Variants in CDK13 observed in about 807,000 individuals in gnomAD.
The protein encoded by CDK13 is cyclin-dependent kinase 13.
Under a neutral mutation model 137.6 loss-of-function variants are expected in CDK13, and 40 were observed. That is an observed-to-expected ratio of 0.29 (90% CI 0.23 to 0.38). CDK13 has a LOEUF of 0.38. Among genes scored for constraint, CDK13 ranks in the 10% least tolerant of loss-of-function variants. The pLI, the probability that CDK13 is intolerant of heterozygous loss-of-function variation, is 1.00. For synonymous variants in CDK13, 869 were observed against 760.1 expected (o/e 1.14, Z -2.36); for missense variants, 1,704 against 1,951.8 (o/e 0.87, Z 2.39).
chr7:40,021,438 G>A (rs1044856589), intron 5 of CDK13, among the ~76,000 whole-genome samples: 2 of 152,012 alleles, frequency 1.3e-5, no homozygotes, highest in African/African-American at 4.8e-5. Flanking sequence ...GTAGGTTGCG[G>A]TGAGCTGAGA....
At chr7:40,022,458 T>C (rs1227881598) in intron 5 of CDK13, among the ~76,000 whole-genome samples, 2 of 152,178 alleles carry the variant, frequency 1.3e-5, no homozygotes, top group Non-Finnish European at 2.9e-5. Context: ...GTCATGGCTT[T>C]GGGGTAAATA....
chr7:40,032,700 T>G (rs1398596239), intron 5 of CDK13, among the ~76,000 whole-genome samples: 3 of 152,228 alleles, frequency 2.0e-5, no homozygotes, highest in Admixed American at 2.0e-4. Context: ...TGACTGTTTT[T>G]TTAATGGATG....
At chr7:40,072,569 A>C (rs1786446559) in intron 9 of CDK13, 1 of 152,204 alleles carries the variant, frequency 6.6e-6, no homozygotes, top group Admixed American at 6.5e-5. Flanking sequence ...CTGGTTTTGT[A>C]CCATTAGTGC....
intron 5 of CDK13, among the ~76,000 whole-genome samples, chr7:40,034,054 A>G (rs1255049766): frequency 2.0e-5 from 3 of 152,206 alleles, no homozygotes; most frequent in Non-Finnish European, 2.9e-5. Context: ...ATATTTCATC[A>G]TAACTACATA....
intron 5 of CDK13, among the ~76,000 whole-genome samples, chr7:40,036,245 C>T (rs951575305): frequency 1.3e-5 from 2 of 151,858 alleles, no homozygotes; most frequent in Non-Finnish European, 2.9e-5. Context: ...AATATAGGAA[C>T]ATGAAATTTA....
chr7:40,057,545 A>T (rs1156732636), intron 7 of CDK13, among the ~76,000 whole-genome samples: 2 of 152,216 alleles, frequency 1.3e-5, no homozygotes, highest in Non-Finnish European at 1.5e-5. Flanking sequence ...AGGATGGGAA[A>T]TGTAGCAGAG....
chr7:40,045,610 A>G (rs1221414787), intron 5 of CDK13, among the ~76,000 whole-genome samples: 1 of 151,444 alleles, frequency 6.6e-6, no homozygotes, highest in African/African-American at 2.4e-5. Context: ...TAAAATCATA[A>G]CTGTTTTTTT....
intron 5 of CDK13, among the ~76,000 whole-genome samples, chr7:40,021,264 A>AGGC (rs1266904912): frequency 6.6e-6 from 1 of 152,154 alleles, no homozygotes; most frequent in African/African-American, 2.4e-5. Context: ...TGGGAGGCTG[A>AGGC]GGCGGGTGGA....
intron 5 of CDK13, among the ~76,000 whole-genome samples, chr7:40,019,294 G>A (rs1002868218): frequency 4.6e-5 from 7 of 152,106 alleles, no homozygotes; most frequent in Admixed American, 2.0e-4. Context: ...TTAACACATC[G>A]AAGCTGTAAA....
chr7:40,023,409 G>A (rs371466200), intron 5 of CDK13, among the ~76,000 whole-genome samples: 48 of 152,058 alleles, frequency 3.2e-4, no homozygotes, highest in East Asian at 1.7e-3. Flanking sequence ...GGTTGAAATA[G>A]GTGATTTTCT....
intron 10 of CDK13, 39 bp from the exon 11 acceptor site, chr7:40,078,681 T>C: frequency 7.5e-7 from 1 of 1,340,296 alleles, no homozygotes; most frequent in Non-Finnish European, 9.8e-7. Context: ...AGCTTGTGTC[T>C]AAAGAACACA....
At chr7:39,977,852 A>T (rs1784142729) in intron 1 of CDK13, among the ~76,000 whole-genome samples, 1 of 152,162 alleles carries the variant, frequency 6.6e-6, no homozygotes, top group African/African-American at 2.4e-5. Flanking sequence ...AAGAGCATGG[A>T]AAAATGGAGA....
intron 5 of CDK13, among the ~76,000 whole-genome samples, chr7:40,023,116 A>T (rs1334648090): frequency 6.7e-6 from 1 of 148,218 alleles, no homozygotes; most frequent in African/African-American, 2.5e-5. Flanking sequence ...TTTTTGAGAC[A>T]GAGTCTTACT....
chr7:40,005,470 T>C (rs1389124695), intron 5 of CDK13, among the ~76,000 whole-genome samples: 5 of 151,982 alleles, frequency 3.3e-5, no homozygotes, highest in Non-Finnish European at 7.4e-5. Flanking sequence ...TTAATTTTTA[T>C]GTTTTTAGTA....
At chr7:39,957,971 A>C (rs1787473721) in intron 1 of CDK13, among the ~76,000 whole-genome samples, 1 of 152,046 alleles carries the variant, frequency 6.6e-6, no homozygotes, top group South Asian at 2.1e-4. Flanking sequence ...TTTTCTATAA[A>C]TTTATAAGCT....
intron 1 of CDK13, among the ~76,000 whole-genome samples, chr7:39,983,755 A>G (rs888733665): frequency 3.9e-5 from 6 of 152,214 alleles, no homozygotes; most frequent in Non-Finnish European, 8.8e-5. Context: ...GAGCTCCAAC[A>G]AAATCTGAAG....
chr7:40,030,621 A>G (rs1252270447), intron 5 of CDK13, among the ~76,000 whole-genome samples: 2 of 151,776 alleles, frequency 1.3e-5, no homozygotes, highest in East Asian at 3.9e-4. Context: ...CTGGTATGCA[A>G]CTTCTGACCT....
intron 2 of CDK13, among the ~76,000 whole-genome samples, chr7:39,992,284 G>A (rs552552871): frequency 4.0e-4 from 60 of 151,722 alleles, no homozygotes; most frequent in African/African-American, 1.3e-3. Context: ...TGCAACCTCC[G>A]CCTCCTGGGT....
chr7:40,058,422 C>G (rs1786067299), intron 7 of CDK13, among the ~76,000 whole-genome samples: 1 of 151,918 alleles, frequency 6.6e-6, no homozygotes, highest in African/African-American at 2.4e-5. Context: ...TGCCTGTAAT[C>G]CAAGCTACTC....
Sources: gnomAD v4.1 joint callset for allele counts (sites outside exome capture counted in the v4.1 genomes callset) on GRCh38, gnomAD v4.1.1 for gene constraint, MANE v1.5 for transcripts, NCBI Gene and HGNC (gene_info 2026-07-23, HGNC 2026-07-21) for gene names.